CLVS1: variants seen among roughly 807,000 people sequenced by gnomAD.
CLVS1 encodes clavesin 1.
Under a neutral mutation model 33.1 loss-of-function variants are expected in CLVS1, and 10 were observed. That is an observed-to-expected ratio of 0.30 (90% CI 0.19 to 0.51). CLVS1 has a LOEUF of 0.51. Ranked by LOEUF, CLVS1 falls within the 20% of genes least tolerant of loss-of-function variation. The pLI is 0.97. For missense variants in CLVS1, 343 were observed against 433.4 expected, an observed-to-expected ratio of 0.79 and a Z score of 1.85; for synonymous variants, 163 against 166.1, an observed-to-expected ratio of 0.98 and a Z score of 0.14.
At chr8:61,161,640 C>T (rs982018113) in intron 2 of CLVS1, among the ~76,000 whole-genome samples, 2 of 152,052 alleles carry the variant, frequency 1.3e-5, no homozygotes, top group African/African-American at 4.8e-5. Context: ...TTTCACAGGG[C>T]TGGGGTTAGG....
At chr8:61,468,261 G>A (rs901104846) in intron 5 of CLVS1, among the ~76,000 whole-genome samples, 1 of 152,164 alleles carries the variant, frequency 6.6e-6, no homozygotes, top group Non-Finnish European at 1.5e-5. Flanking sequence ...AAAGCCTAGT[G>A]TCTTGCACGT....
At chr8:61,250,305 G>C (rs910190881) in intron 2 of CLVS1, among the ~76,000 whole-genome samples, 2 of 152,188 alleles carry the variant, frequency 1.3e-5, no homozygotes, top group African/African-American at 4.8e-5. Context: ...GTACCATGCT[G>C]TTTTGGTTAC....
At chr8:61,144,527 G>A (rs955545952) in intron 2 of CLVS1, among the ~76,000 whole-genome samples, 23 of 152,096 alleles carry the variant, frequency 1.5e-4, no homozygotes, top group Non-Finnish European at 3.1e-4. Flanking sequence ...ATGTGTGCAT[G>A]TATCTTTATA....
intron 2 of CLVS1, among the ~76,000 whole-genome samples, chr8:61,349,806 A>G (rs146597403): frequency 6.6e-6 from 1 of 152,252 alleles, no homozygotes; most frequent in Non-Finnish European, 1.5e-5. Flanking sequence ...TTCACACAGA[A>G]GGGATTGCTG....
chr8:61,036,383 C>G, the CLVS1 span, among the ~76,000 whole-genome samples: 5 of 152,208 alleles, frequency 3.3e-5, no homozygotes, highest in African/African-American at 9.7e-5. Context: ...TCTGTGGCAG[C>G]TGCAGGTGGG....
chr8:61,304,177 T>A (rs1051214464), intron 2 of CLVS1, among the ~76,000 whole-genome samples: 2 of 152,112 alleles, frequency 1.3e-5, no homozygotes, highest in African/African-American at 2.4e-5. Flanking sequence ...ATGTGAAGGG[T>A]TTACTAAGAT....
chr8:61,330,386 G>A (rs1811549062), intron 2 of CLVS1, among the ~76,000 whole-genome samples: 1 of 152,162 alleles, frequency 6.6e-6, no homozygotes, highest in African/African-American at 2.4e-5. Flanking sequence ...AAAGAAAAGA[G>A]GAGAAAGGAA....
the CLVS1 span, among the ~76,000 whole-genome samples, chr8:60,971,395 T>C: frequency 5.9e-5 from 9 of 152,348 alleles, no homozygotes; most frequent in Admixed American, 3.3e-4. Flanking sequence ...TCCTTTTTAA[T>C]AGCATCCTGC....
the CLVS1 span, among the ~76,000 whole-genome samples, chr8:61,009,069 T>C: frequency 9.5e-4 from 145 of 152,354 alleles, 1 homozygote; most frequent in African/African-American, 3.4e-3. Context: ...TATTATTTTA[T>C]CTAATTTATA....
intron 3 of CLVS1, among the ~76,000 whole-genome samples, chr8:61,394,813 T>C (rs1265432342): frequency 6.6e-6 from 1 of 152,202 alleles, no homozygotes; most frequent in African/African-American, 2.4e-5. Context: ...AATGTACAAG[T>C]GTTTCCTTTT....
chr8:61,384,577 C>T lies in CLVS1; in HGVS notation c.630+7798C>T, dbSNP rs528253252. On this transcript the variant is annotated intron_variant, in intron 3 of 5. Transcript: ENST00000325897. ...TAAGGTGAAGGGTGAATGGTGATGCCGACTGGTGATATCGTGCAGACAGGA... is the reference window on the plus strand; with the variant it reads ...TAAGGTGAAGGGTGAATGGTGATGCTGACTGGTGATATCGTGCAGACAGGA... 4.6e-5 allele frequency among the ~76,000 whole-genome samples: 7 copies of T among 151,928 alleles called. No individual in the cohort carries two copies. In the South Asian group the frequency reaches 8.3e-4, roughly 18 times the overall value.
chr8:61,047,563 C>T, the CLVS1 span, among the ~76,000 whole-genome samples: 5 of 152,142 alleles, frequency 3.3e-5, no homozygotes, highest in East Asian at 5.8e-4. Flanking sequence ...CAATGATAGA[C>T]TGGATTAAGA....
intron 5 of CLVS1, among the ~76,000 whole-genome samples, chr8:61,481,600 C>T (rs962660584): frequency 1.3e-5 from 2 of 152,216 alleles, no homozygotes; most frequent in Non-Finnish European, 2.9e-5. Context: ...TCACTCACTG[C>T]TAGCACAGCA....
At chr8:61,119,705 C>A (rs1484475082) in intron 1 of CLVS1, among the ~76,000 whole-genome samples, 1 of 133,670 alleles carries the variant, frequency 7.5e-6, no homozygotes, top group Non-Finnish European at 1.6e-5. Flanking sequence ...TTGGCCCCCA[C>A]TCTCTTCTGG....
chr8:61,455,641 C>G (rs185543031), intron 4 of CLVS1, among the ~76,000 whole-genome samples: 8 of 152,310 alleles, frequency 5.3e-5, no homozygotes, highest in Admixed American at 4.6e-4. Flanking sequence ...ATGAATAATG[C>G]TACAGTCTTA....
At chr8:61,335,007 C>G (rs898188975) in intron 2 of CLVS1, among the ~76,000 whole-genome samples, 1 of 152,042 alleles carries the variant, frequency 6.6e-6, no homozygotes, top group African/African-American at 2.4e-5. Context: ...CCAGGAGTGC[C>G]GATTGGTCAG....
intron 1 of CLVS1, among the ~76,000 whole-genome samples, chr8:61,072,195 C>T (rs1804808919): frequency 6.6e-6 from 1 of 152,162 alleles, no homozygotes; most frequent in South Asian, 2.1e-4. Context: ...TCAGCTTCAC[C>T]CGCTGCCTTC....
intron 3 of CLVS1, among the ~76,000 whole-genome samples, chr8:61,447,713 T>A (rs1816807700): frequency 6.6e-6 from 1 of 152,064 alleles, no homozygotes; most frequent in Admixed American, 6.6e-5. Context: ...CCTACATACA[T>A]CTTTGAACCA....
At chr8:61,246,947 C>A (rs1044110010) in intron 2 of CLVS1, among the ~76,000 whole-genome samples, 1 of 152,102 alleles carries the variant, frequency 6.6e-6, no homozygotes, top group Non-Finnish European at 1.5e-5. Context: ...TTCTGCTCCT[C>A]TCCCTCTTCC....
Sources: allele counts gnomAD v4.1 joint callset (sites outside exome capture counted in the v4.1 genomes callset), GRCh38; gene constraint gnomAD v4.1.1; transcripts MANE v1.5; gene names NCBI Gene and HGNC (gene_info 2026-07-23, HGNC 2026-07-21).